Variants in FAM153A observed in about 807,000 individuals in gnomAD.
The protein encoded by FAM153A is family with sequence similarity 153 member A.
A neutral mutation model predicts 48.1 loss-of-function variants in FAM153A; 12 were observed. The ratio of observed to expected loss-of-function variants is 0.25; its 90% CI spans 0.16 to 0.40. The LOEUF is 0.40. Ranked by LOEUF, FAM153A falls within the 10% of genes least tolerant of loss-of-function variation. FAM153A has a pLI of 1.00. For missense variants in FAM153A, 111 were observed against 345.8 expected (o/e 0.32, Z 5.38); for synonymous variants, 36 against 118.2 (o/e 0.30, Z 4.51).
At chr5:177,709,425 G>C (rs1413635704), downstream of FAM153A, among the ~76,000 whole-genome samples, 1 of 147,018 alleles carries the variant, frequency 6.8e-6, no homozygotes, top group African/African-American at 2.5e-5. Flanking sequence ...GCAATGGCGC[G>C]ATCTCGGCTC....
At chr5:177,756,021 A>G (rs1350898660), upstream of FAM153A, among the ~76,000 whole-genome samples, 1 of 150,434 alleles carries the variant, frequency 6.6e-6, no homozygotes, top group Non-Finnish European at 1.5e-5. Context: ...AAATGCTCCA[A>G]TTAAAAGACA....
chr5:177,708,677 C>T (rs974025067), downstream of FAM153A, among the ~76,000 whole-genome samples: 1 of 152,006 alleles, frequency 6.6e-6, no homozygotes, highest in African/African-American at 2.4e-5. Context: ...GTATGTTTAT[C>T]ATATAAGTCT....
chr5:177,743,201 GTTTTGTTTTT>G (rs1305035679), intron 6 of FAM153A, among the ~76,000 whole-genome samples: 1,920 of 86,386 alleles, frequency 0.022, 78 homozygotes, highest in African/African-American at 0.07. Flanking sequence ...TTTTTTTTTT[GTTTTGTTTTT>G]TTTTTTTTTG....
At chr5:177,761,255 G>A (rs1351361087) in intron 1 of FAM153A, among the ~76,000 whole-genome samples, 3 of 151,634 alleles carry the variant, frequency 2.0e-5, no homozygotes, top group South Asian at 2.1e-4. Flanking sequence ...CACCAGCCTC[G>A]CTAGCAGCGA....
the FAM153A span, among the ~76,000 whole-genome samples, chr5:177,698,906 C>T: frequency 6.6e-6 from 1 of 151,984 alleles, no homozygotes; most frequent in Non-Finnish European, 1.5e-5. Context: ...GATCTCCTGC[C>T]TCAGCTTCCC....
At chr5:177,739,090 A>T (rs1216318233) in intron 10 of FAM153A, 23 bp downstream of exon 12, 1 of 1,612,226 alleles carries the variant, frequency 6.2e-7, no homozygotes, top group African/African-American at 1.4e-5. Flanking sequence ...TCCTTAGCAA[A>T]AAGGTGATCC....
In FAM153A at chr5:177,716,413, G is replaced by A. The variant is rs952414214; in HGVS notation, c.*1154C>T. ...AGAACTTGAGAACTTCTTTCAGTAGGTGCTGTGATTCAATAACCAGAATTC... is the reference window on the plus strand; with the variant it reads ...AGAACTTGAGAACTTCTTTCAGTAGATGCTGTGATTCAATAACCAGAATTC... On this transcript the variant is annotated splice_region_variant and 3_prime_UTR_variant and NMD_transcript_variant, in exon 25 of 27. Coordinates refer to the FAM153A transcript ENST00000360669. The A allele has an allele frequency of 2.2e-4, 33 of 151,902 alleles. 1 individual carries two copies. Among genetic ancestry groups the A allele is most frequent in the African/African-American group, 8.0e-4 (33 of 41,268 alleles). The allele number at this position is 151,902 out of a possible 1,614,324, so 9.4% of individuals were successfully genotyped here.
the FAM153A span, among the ~76,000 whole-genome samples, chr5:177,702,570 G>A: frequency 6.6e-6 from 1 of 151,844 alleles, no homozygotes; most frequent in Admixed American, 6.5e-5. Context: ...AGACAATGGG[G>A]GAAAAGCATA....
chr5:177,735,057 A>T (rs1250640416), intron 12 of FAM153A, 124 bp from the exon 15 acceptor site: 1 of 663,516 alleles, frequency 1.5e-6, no homozygotes, highest in Non-Finnish European at 2.5e-6. Flanking sequence ...GAAGAAAGGG[A>T]ATCAGGGCCT....
chr5:177,702,655 C>T, the FAM153A span, among the ~76,000 whole-genome samples: 11 of 151,848 alleles, frequency 7.2e-5, no homozygotes, highest in African/African-American at 2.7e-4. Context: ...GAATGGTTTT[C>T]TGGGCCAGAC....
At chr5:177,764,623 A>C (rs973961484) in intron 1 of FAM153A, among the ~76,000 whole-genome samples, 1 of 148,410 alleles carries the variant, frequency 6.7e-6, no homozygotes, top group Non-Finnish European at 1.5e-5. Context: ...GATGGCTGTG[A>C]ATACCTGGGC....
intron 25 of FAM153A, among the ~76,000 whole-genome samples, chr5:177,715,883 C>A (rs1365659942): frequency 1.3e-5 from 2 of 151,552 alleles, no homozygotes; most frequent in Non-Finnish European, 2.9e-5. Context: ...CTATTGTTGC[C>A]TAGGCTGGTG....
chr5:177,711,626 C>CTTCTTTTGGCAT (rs1486984996), exon 27 of FAM153A: 1 of 151,868 alleles, frequency 6.6e-6, no homozygotes, highest in African/African-American at 2.4e-5. Context: ...TGATGTCTTA[C>CTTCTTTTGGCAT]AATTTAAATT....
chr5:177,701,108 C>T, the FAM153A span, among the ~76,000 whole-genome samples: 3 of 151,718 alleles, frequency 2.0e-5, no homozygotes, highest in African/African-American at 2.4e-5. Context: ...AGTCCCTCCC[C>T]TCTCTCTGTC....
rs569452822 is a variant in FAM153A, at chr5:177,751,814, T to C, written c.32-762A>G. The stretch of plus-strand genomic sequence containing the variant: ...CTGGGGACAGAGATCCCTGAATACC[T>C]GAGGCCTCTAAATCATGGCCTGGAC... On this transcript the variant is annotated intron_variant, in intron 1 of 20. Coordinates refer to ENST00000614127, the Ensembl canonical transcript of FAM153A. 3.2e-5 allele frequency among the ~76,000 whole-genome samples: 3 copies of C among 94,398 alleles called. 1 individual carries two copies. The highest frequency in any genetic ancestry group is 1.3e-4 in the African/African-American group (3 of 22,872). The allele number at this position is 94,398 out of a possible 152,430, so 61.9% of individuals were successfully genotyped here.
chr5:177,723,425 A>AT (rs1352268993), exon 21 of FAM153A: 1 of 144,680 alleles, frequency 6.9e-6, no homozygotes, highest in African/African-American at 2.6e-5. Context: ...TCATGTCCTC[A>AT]AACCCTCCCA....
intron 1 of FAM153A, among the ~76,000 whole-genome samples, chr5:177,761,288 A>G (rs1298022704): frequency 1.3e-5 from 2 of 151,706 alleles, no homozygotes; most frequent in Admixed American, 6.6e-5. Context: ...ATGCAAAGGA[A>G]ACTGCCAACG....
At chr5:177,698,578 G>A in the FAM153A span, among the ~76,000 whole-genome samples, 12 of 151,674 alleles carry the variant, frequency 7.9e-5, no homozygotes, top group Non-Finnish European at 1.2e-4. Flanking sequence ...TTTTTTTATC[G>A]TAAGTTTAAA....
At chr5:177,753,816 T>C (rs1013578245), upstream of FAM153A, among the ~76,000 whole-genome samples, 1 of 151,654 alleles carries the variant, frequency 6.6e-6, no homozygotes, top group African/African-American at 2.4e-5. Context: ...TTAAATCAAA[T>C]GGGTCATTAA....
Sources: gnomAD v4.1 joint callset for allele counts (sites outside exome capture counted in the v4.1 genomes callset) on GRCh38, gnomAD v4.1.1 for gene constraint, MANE v1.5 for transcripts, NCBI Gene and HGNC (gene_info 2026-07-23, HGNC 2026-07-21) for gene names.